The following SPAG17 variants were observed in gnomAD, a reference collection of about 807,000 sequenced individuals.
SPAG17 encodes sperm associated antigen 17, also known as sperm-associated antigen 17.
SPAG17 carries 169 observed loss-of-function variants against 273.6 expected under a neutral mutation model. The ratio of observed to expected loss-of-function variants is 0.62; its 90% confidence interval spans 0.55 to 0.70. The LOEUF (loss-of-function observed/expected upper bound fraction) is 0.70, where lower values mean the gene tolerates loss of function less well. SPAG17 is among the 30% of genes least tolerant of loss of function. The probability of loss-of-function intolerance (pLI) is 0.00; values close to 1 mark genes in which losing one functional copy is unlikely to be tolerated. For synonymous variants in SPAG17, 825 were observed against 873.2 expected, an observed-to-expected ratio of 0.94 and a Z score of 0.97; for missense variants, 2,557 against 2,627.8, an observed-to-expected ratio of 0.97 and a Z score of 0.59.
intron 20 of SPAG17, among the ~76,000 whole-genome samples, chr1:118,047,498 C>T (rs1164216836): frequency 6.6e-6 from 1 of 151,986 alleles, no homozygotes; most frequent in East Asian, 1.9e-4. Context: ...CTCCAGGCTG[C>T]CTCTAGCATC....
intron 3 of SPAG17, among the ~76,000 whole-genome samples, chr1:118,144,318 T>C (rs1180865576): frequency 6.6e-6 from 1 of 152,218 alleles, no homozygotes; most frequent in Non-Finnish European, 1.5e-5. Flanking sequence ...CCAGGGCTGT[T>C]AACACATCTG....
At chr1:118,073,708 A>C in intron 17 of SPAG17, 146 bp downstream of exon 17, 1 of 511,578 alleles carries the variant, frequency 2.0e-6, no homozygotes. Flanking sequence ...TCAAGCTGGG[A>C]GTAAATTTAT....
intron 17 of SPAG17, among the ~76,000 whole-genome samples, chr1:118,067,129 C>G (rs1314496175): frequency 2.0e-5 from 3 of 152,148 alleles, no homozygotes; most frequent in African/African-American, 7.2e-5. Flanking sequence ...TACTAGGCAT[C>G]AGGCAGAGCG....
At chr1:118,091,550 C>G (rs1356321454) in intron 10 of SPAG17, 56 bp downstream of exon 10, 2 of 913,684 alleles carry the variant, frequency 2.2e-6, no homozygotes, top group African/African-American at 1.7e-5. Context: ...ATAACAGAAG[C>G]CAGGAAAGAT....
Position 118,071,893 on chromosome 1 carries a change from G to A in SPAG17, c.2385+1961C>T, listed in dbSNP as rs111521853. ...GAAAAAAAAGGACAGAGAAAATGGAGAGGAGAGATTATCAAAGAAATGATT... is the reference window on the plus strand; with the variant it reads ...GAAAAAAAAGGACAGAGAAAATGGAAAGGAGAGATTATCAAAGAAATGATT... On this transcript the variant is annotated intron_variant, in intron 17 of 48. Coordinates refer to ENST00000336338, the MANE Select transcript of SPAG17 (RefSeq NM_206996.4). 4.2e-3 allele frequency among the ~76,000 whole-genome samples: 636 copies of A among 152,220 alleles called. 3 individuals are homozygous for A. The highest frequency in any genetic ancestry group is 0.014 in the African/African-American group (599 of 41,532).
At chr1:118,020,658 C>T (rs1660412954) in intron 28 of SPAG17, among the ~76,000 whole-genome samples, 1 of 151,910 alleles carries the variant, frequency 6.6e-6, no homozygotes, top group African/African-American at 2.4e-5. Context: ...ATTATTCTAG[C>T]TTTTCAGGAG....
intron 28 of SPAG17, among the ~76,000 whole-genome samples, chr1:118,021,880 C>G (rs1315634172): frequency 6.6e-6 from 1 of 152,042 alleles, no homozygotes; most frequent in Non-Finnish European, 1.5e-5. Context: ...AACCCTTGAG[C>G]CGAGAAATTT....
chr1:118,184,819 C>T (rs1392566379), intron 1 of SPAG17, among the ~76,000 whole-genome samples: 1 of 152,174 alleles, frequency 6.6e-6, no homozygotes, highest in East Asian at 1.9e-4. Context: ...GGTGTCAGAG[C>T]GACACCTCCT....
At position 118,040,727 on chromosome 1, in the gene SPAG17, T is replaced by C; in HGVS notation, c.3166+3A>G. On this transcript the variant is annotated splice_donor_region_variant and intron_variant, in intron 22 of 48. Coordinates refer to ENST00000336338, the MANE Select transcript of SPAG17 (RefSeq NM_206996.4). ...TCATTAACCAGTTGCTTTCAAAATG[T>C]ACCTTTTTCAAACATTGTCTTTTCC... 6.4e-7 allele frequency: 1 copy of C among 1,562,358 alleles called. No individual in the cohort carries two copies. The highest frequency in any genetic ancestry group is 8.8e-7 in the Non-Finnish European group (1 of 1,132,486).
At chr1:117,958,952 A>C in intron 48 of SPAG17, 2 of 1,614,020 alleles carry the variant, frequency 1.2e-6, no homozygotes, top group Non-Finnish European at 1.7e-6. Context: ...TGCTTGTGCC[A>C]GTGATAGAAA....
chr1:118,078,790 CAG>C (rs1654308242), intron 15 of SPAG17, among the ~76,000 whole-genome samples: 3 of 152,138 alleles, frequency 2.0e-5, no homozygotes, highest in South Asian at 4.1e-4. Flanking sequence ...TAAATTGCTA[CAG>C]AGTTATACAT....
chr1:117,972,388 G>A (rs534098997), intron 44 of SPAG17, among the ~76,000 whole-genome samples: 55 of 152,218 alleles, frequency 3.6e-4, no homozygotes, highest in Non-Finnish European at 7.5e-4. Flanking sequence ...TCTCCTGGAG[G>A]ACTCATAAAT....
Position 118,077,733 on chromosome 1 carries a change from T to G in SPAG17, c.2210-3133A>C, listed in dbSNP as rs564276256. On this transcript the variant is annotated intron_variant, in intron 15 of 48. Transcript: ENST00000336338. ...AGGTAGGCTAATAGGTAAGGGTACT[T>G]AGGACAAAGAAATAGGGAATCTACC... Among the ~76,000 whole-genome samples the G allele has an allele frequency of 8.5e-5, 13 of 152,126 alleles. No homozygotes were observed. In the South Asian group the frequency reaches 2.7e-3, roughly 32 times the overall value.
At chr1:118,013,433 T>C (rs1287441969) in intron 29 of SPAG17, among the ~76,000 whole-genome samples, 1 of 152,186 alleles carries the variant, frequency 6.6e-6, no homozygotes, top group Non-Finnish European at 1.5e-5. Context: ...GAATGTATAC[T>C]AAGAAATACT....
intron 17 of SPAG17, among the ~76,000 whole-genome samples, chr1:118,071,209 G>A (rs936084960): frequency 8.0e-5 from 12 of 150,888 alleles, no homozygotes; most frequent in Non-Finnish European, 1.5e-5. Flanking sequence ...TATGAGCAAA[G>A]AGGACAATAT....
At chr1:118,132,135 C>A (rs747629633) in intron 3 of SPAG17, among the ~76,000 whole-genome samples, 6 of 152,158 alleles carry the variant, frequency 3.9e-5, no homozygotes, top group Non-Finnish European at 8.8e-5. Context: ...CCAGAGGGTG[C>A]CTTCTCCACA....
chr1:118,059,242 A>C (rs1273484182), intron 18 of SPAG17, among the ~76,000 whole-genome samples: 5 of 152,156 alleles, frequency 3.3e-5, no homozygotes, highest in African/African-American at 1.2e-4. Context: ...GCCCCTAGGA[A>C]GCCATAAGCT....
rs146004766 is a variant in SPAG17 at position 118,125,245 on chromosome 1, A to ATATATTTT, written c.316-9805_316-9804insAAAATATA. 1.6e-3 allele frequency among the ~76,000 whole-genome samples: 242 copies of ATATATTTT among 150,828 alleles called. 1 individual carries two copies. Among genetic ancestry groups the ATATATTTT allele is most frequent in the African/African-American group, 4.9e-3 (199 of 40,840 alleles). On this transcript the variant is annotated intron_variant, in intron 3 of 48. Coordinates refer to ENST00000336338, the MANE Select transcript of SPAG17 (RefSeq NM_206996.4). ...TTATTGTATTCATATATATATATAT[A>ATATATTTT]TTTTTGACATATAATAATGGTAAAT...
chr1:117,991,050 T>C, intron 37 of SPAG17, 144 bp from the exon 38 acceptor site: 1 of 467,144 alleles, frequency 2.1e-6, no homozygotes, highest in Non-Finnish European at 3.8e-6. Context: ...TTAATTTTTC[T>C]AGGTCATTCT....
Sources: allele counts gnomAD v4.1 joint callset (sites outside exome capture counted in the v4.1 genomes callset), GRCh38; gene constraint gnomAD v4.1.1; transcripts MANE v1.5; gene names NCBI Gene and HGNC (gene_info 2026-07-23, HGNC 2026-07-21).